Variants in M1AP observed in about 807,000 individuals in gnomAD.
The protein encoded by M1AP is meiosis 1 arrest protein.
Under a neutral mutation model 51.2 loss-of-function variants are expected in M1AP, and 39 were observed. The observed-to-expected ratio is 0.76, with a 90% CI of 0.59 to 1.00. M1AP has a LOEUF of 1.00. Ranked by LOEUF, M1AP falls within the 50% of genes least tolerant of loss-of-function variation. The pLI is 0.00. For missense variants in M1AP, 545 were observed against 641.2 expected, an observed-to-expected ratio of 0.85 and a Z score of 1.62; for synonymous variants, 251 against 249.2, an observed-to-expected ratio of 1.01 and a Z score of -0.07.
chr2:74,586,771 C>A (rs1008519357), intron 4 of M1AP, among the ~76,000 whole-genome samples: 1 of 152,052 alleles, frequency 6.6e-6, no homozygotes, highest in Non-Finnish European at 1.5e-5. Flanking sequence ...GAGGCTGAGG[C>A]GGGCAGATCA....
chr2:74,619,256 T>C (rs1681860921), intron 2 of M1AP: 1 of 208,044 alleles, frequency 4.8e-6, no homozygotes, highest in African/African-American at 2.3e-5. Flanking sequence ...TAAAAACCTT[T>C]TTGTAGTGGT....
intron 7 of M1AP, 91 bp from the exon 8 acceptor site, chr2:74,562,514 G>C: frequency 2.1e-6 from 3 of 1,432,796 alleles, no homozygotes; most frequent in Non-Finnish European, 2.9e-6. Context: ...CTGACTTCCA[G>C]GGGTGCTGAG....
At chr2:74,572,465 T>C (rs1053337592) in intron 7 of M1AP, among the ~76,000 whole-genome samples, 20 of 152,016 alleles carry the variant, frequency 1.3e-4, no homozygotes, top group African/African-American at 4.6e-4. Context: ...GGACTACAGG[T>C]GTGAGTCATT....
At position 74,640,239 on chromosome 2, in the gene M1AP, T is replaced by C. The variant is rs1203549551; in HGVS notation, c.37A>G (p.Thr13Ala). Reference protein sequence around the residue: ...PGRTTGKGPSTHTQIDQQPPR... With the variant: ...PGRTTGKGPSAHTQIDQQPPR... ...GGTTGCTGGTCAATCTGAGTGTGAGTAGAGGGCCCTTTACCAGTAGTTCGC... is the reference window on the plus strand; with the variant it reads ...GGTTGCTGGTCAATCTGAGTGTGAGCAGAGGGCCCTTTACCAGTAGTTCGC... The change falls in exon 2 of 11, where the codon ACT becomes GCT. Residue 13 changes from threonine (T) to alanine (A), a missense_variant. Coordinates refer to ENST00000421985, the MANE Select transcript of M1AP (RefSeq NM_001321739.2). 7 of 1,613,802 alleles carry C rather than the reference T, an allele frequency of 4.3e-6. No homozygotes were observed. The African/African-American group carries it at 9.4e-5, about 22-fold the overall frequency.
intron 1 of M1AP, among the ~76,000 whole-genome samples, chr2:74,645,594 T>C (rs899913574): frequency 2.6e-5 from 4 of 152,186 alleles, no homozygotes; most frequent in Non-Finnish European, 5.9e-5. Context: ...TACCATCCCT[T>C]TCTATAGCAA....
chr2:74,613,571 C>G (rs1681493716), intron 3 of M1AP, among the ~76,000 whole-genome samples: 1 of 152,080 alleles, frequency 6.6e-6, no homozygotes, highest in African/African-American at 2.4e-5. Context: ...TTGAAGGATA[C>G]AGCTGGCTGG....
intron 7 of M1AP, among the ~76,000 whole-genome samples, chr2:74,563,606 T>TA (rs750014043): frequency 0.14 from 7,599 of 54,690 alleles, 290 homozygotes; most frequent in East Asian, 0.18. Context: ...TCTCAAAACA[T>TA]AAAAAAAAAA....
At chr2:74,633,496 C>G (rs996384501) in intron 2 of M1AP, among the ~76,000 whole-genome samples, 1 of 152,090 alleles carries the variant, frequency 6.6e-6, no homozygotes, top group African/African-American at 2.4e-5. Context: ...ATTCCCCTTA[C>G]CCCTGATGTT....
intron 2 of M1AP, among the ~76,000 whole-genome samples, chr2:74,620,444 G>A (rs1166164781): frequency 6.6e-6 from 1 of 152,206 alleles, no homozygotes; most frequent in Non-Finnish European, 1.5e-5. Context: ...ACAACCTGCT[G>A]AACAACCCCC....
Position 74,609,398 on chromosome 2 carries a change from C to T in M1AP, c.427-2175G>A, listed in dbSNP as rs575590380. On this transcript the variant is annotated intron_variant, in intron 3 of 10. Transcript: ENST00000421985. Reference sequence around the variant, plus strand: ...CACAAACAACAGGCTTTTATTCTTTCTTATGAAGGAATGGTATTCCAATGT... The same window carrying T: ...CACAAACAACAGGCTTTTATTCTTTTTTATGAAGGAATGGTATTCCAATGT... 9.8e-5 allele frequency among the ~76,000 whole-genome samples: 15 copies of T among 152,288 alleles called. No homozygotes were observed. In the East Asian group the frequency reaches 2.3e-3, roughly 23 times the overall value.
Position 74,629,481 on chromosome 2 carries a change from G to A in M1AP, c.240+10555C>T, listed in dbSNP as rs1346085414. Among the ~76,000 whole-genome samples, 5 of 152,292 alleles carry A rather than the reference G, an allele frequency of 3.3e-5. No individual in the cohort carries two copies. The East Asian group carries it at 7.7e-4, about 23-fold the overall frequency. ...TAAAAATGTTGTATAGGCTGGGCGC[G>A]GTGGCTCATGCCTGTAATCCCAGCA... On this transcript the variant is annotated intron_variant, in intron 2 of 10. Transcript: ENST00000421985.
rs776760571 is a variant in M1AP, at chr2:74,576,579, G to A, written c.809C>T (p.Pro270Leu). The A allele has an allele frequency of 6.2e-7, 1 of 1,614,094 alleles. No individual in the cohort carries two copies. The highest frequency in any genetic ancestry group is 8.5e-7 in the Non-Finnish European group (1 of 1,179,968). Reference protein sequence around the residue: ...KCDLQERLLCPSLLAGTADGS... With the variant: ...KCDLQERLLCLSLLAGTADGS... Reference sequence around the variant, plus strand: ...GTCAGCTGTGCCAGCGAGTAGGGATGGGCAGAGCAGTCGCTCTTGGAGATC... The same window carrying A: ...GTCAGCTGTGCCAGCGAGTAGGGATAGGCAGAGCAGTCGCTCTTGGAGATC... Residue 270 changes from proline (P) to leucine (L), a missense_variant, in exon 6 of 11, where the codon CCA (proline) becomes CTA (leucine). Physicochemically the swap from Pro to Leu is moderately conservative, Grantham distance 98. Coordinates refer to ENST00000421985, the MANE Select transcript of M1AP (RefSeq NM_001321739.2).
At chr2:74,570,628 G>C (rs1678676542) in intron 7 of M1AP, among the ~76,000 whole-genome samples, 1 of 152,244 alleles carries the variant, frequency 6.6e-6, no homozygotes, top group South Asian at 2.1e-4. Context: ...TTTCAGGATA[G>C]GGTAGGATTT....
rs1683703932 is a variant in M1AP at position 74,647,978 on chromosome 2, C to T, written c.-53+287G>A. ...TCCCTCGGCATGGCGCCTACCGTGC[C>T]TGGCGGATCAGCAGCCCGGCCCTCG... On this transcript the variant is annotated intron_variant, in intron 1 of 10. Coordinates refer to ENST00000421985, the MANE Select transcript of M1AP (RefSeq NM_001321739.2). 3 of 982,224 alleles carry T rather than the reference C, an allele frequency of 3.1e-6. No individual in the cohort carries two copies. In the African/African-American group the frequency reaches 5.2e-5, roughly 17 times the overall value. 60.8% of individuals were successfully genotyped at this position (982,224 alleles called of 1,614,324 possible).
At chr2:74,627,269 T>TCA (rs1682454769) in intron 2 of M1AP, among the ~76,000 whole-genome samples, 1 of 152,150 alleles carries the variant, frequency 6.6e-6, no homozygotes, top group Non-Finnish European at 1.5e-5. Context: ...ATCATTTTGG[T>TCA]TATTGTGATG....
At chr2:74,596,443 G>A (rs1447765215) in intron 4 of M1AP, among the ~76,000 whole-genome samples, 1 of 152,092 alleles carries the variant, frequency 6.6e-6, no homozygotes, top group Admixed American at 6.6e-5. Flanking sequence ...TTTGCCGGGC[G>A]TGGTGGCGGG....
chr2:74,623,399 G>A (rs922706083), intron 2 of M1AP, among the ~76,000 whole-genome samples: 1 of 151,958 alleles, frequency 6.6e-6, no homozygotes, highest in African/African-American at 2.4e-5. Flanking sequence ...AGCTACTTGG[G>A]ACTTGAGGTG....
chr2:74,559,968 C>G (rs1392062971), intron 9 of M1AP, among the ~76,000 whole-genome samples, 183 bp downstream of exon 9: 2 of 152,206 alleles, frequency 1.3e-5, no homozygotes, highest in Admixed American at 6.5e-5. Context: ...AATGCCCTAG[C>G]AAACAGGCCT....
At chr2:74,635,187 T>C (rs754979362) in intron 2 of M1AP, among the ~76,000 whole-genome samples, 2 of 152,146 alleles carry the variant, frequency 1.3e-5, no homozygotes, top group Non-Finnish European at 2.9e-5. Flanking sequence ...TCAAACTATC[T>C]GTTTCATATT....
Sources: gnomAD v4.1 joint callset for allele counts (sites outside exome capture counted in the v4.1 genomes callset) on GRCh38, gnomAD v4.1.1 for gene constraint, MANE v1.5 for transcripts, NCBI Gene and HGNC (gene_info 2026-07-23, HGNC 2026-07-21) for gene names.